Variants in KCNQ5 observed in about 807,000 individuals in gnomAD.
KCNQ5 encodes the protein potassium voltage-gated channel subfamily Q member 5.
Under a neutral mutation model 98.2 loss-of-function variants are expected in KCNQ5, and 30 were observed. The observed-to-expected ratio is 0.31, with a 90% confidence interval of 0.23 to 0.41. The LOEUF is 0.41. KCNQ5 is among the 10% of genes least tolerant of loss of function. The probability of loss-of-function intolerance (pLI) is 1.00; values close to 1 mark genes in which losing one functional copy is unlikely to be tolerated. For missense variants in KCNQ5, 835 were observed against 1,182.5 expected (o/e 0.71, Z 4.31); for synonymous variants, 458 against 449.4 (o/e 1.02, Z -0.24).
At chr6:72,674,280 T>A (rs1767292109) in intron 1 of KCNQ5, among the ~76,000 whole-genome samples, 1 of 152,052 alleles carries the variant, frequency 6.6e-6, no homozygotes, top group African/African-American at 2.4e-5. Context: ...AGAGTTAAAT[T>A]TCTTAACTAG....
chr6:72,868,204 T>C (rs960732028), intron 1 of KCNQ5, among the ~76,000 whole-genome samples: 11 of 152,162 alleles, frequency 7.2e-5, no homozygotes, highest in Admixed American at 1.3e-4. Context: ...GGCTGTGGTA[T>C]GCAGAGTTTC....
chr6:73,105,635 A>G (rs1774967467), intron 6 of KCNQ5, among the ~76,000 whole-genome samples: 1 of 152,228 alleles, frequency 6.6e-6, no homozygotes, highest in African/African-American at 2.4e-5. Flanking sequence ...TTTTTAGGCA[A>G]CATGCTACTA....
At chr6:72,880,912 G>A (rs1334447606) in intron 1 of KCNQ5, among the ~76,000 whole-genome samples, 2 of 152,124 alleles carry the variant, frequency 1.3e-5, no homozygotes. Flanking sequence ...AGGATTGATA[G>A]CCCTTAAGGC....
intron 7 of KCNQ5, among the ~76,000 whole-genome samples, chr6:73,112,436 C>T (rs560974782): frequency 2.0e-5 from 3 of 151,764 alleles, no homozygotes. Context: ...AGCTCCGCCT[C>T]CTGGGTTCAC....
intron 1 of KCNQ5, among the ~76,000 whole-genome samples, chr6:72,780,645 G>C (rs542464331): frequency 1.3e-5 from 2 of 152,100 alleles, no homozygotes; most frequent in East Asian, 3.9e-4. Flanking sequence ...TGGAAGACTT[G>C]GGGGGAGATA....
At chr6:72,636,594 T>C (rs1743863741) in intron 1 of KCNQ5, among the ~76,000 whole-genome samples, 2 of 152,202 alleles carry the variant, frequency 1.3e-5, no homozygotes, top group Non-Finnish European at 2.9e-5. Flanking sequence ...TAGATTCTTC[T>C]CCCCGTGTTT....
chr6:72,897,871 C>A (rs1304896799), intron 1 of KCNQ5, among the ~76,000 whole-genome samples: 2 of 152,028 alleles, frequency 1.3e-5, no homozygotes, highest in Non-Finnish European at 2.9e-5. Flanking sequence ...ATATTTTTGT[C>A]TTATAATTGA....
At chr6:72,935,557 G>C (rs1765879916) in intron 1 of KCNQ5, among the ~76,000 whole-genome samples, 1 of 152,096 alleles carries the variant, frequency 6.6e-6, no homozygotes, top group African/African-American at 2.4e-5. Context: ...ATGATTAGTT[G>C]TTTCTTTTAT....
chr6:73,157,457 G>A (rs537169929), intron 10 of KCNQ5: 9 of 679,338 alleles, frequency 1.3e-5, no homozygotes, highest in Middle Eastern at 3.9e-4. Context: ...AGCTCAGGGC[G>A]CCTGTCCCGG....
At chr6:72,739,265 T>C (rs1237007928) in intron 1 of KCNQ5, among the ~76,000 whole-genome samples, 1 of 152,108 alleles carries the variant, frequency 6.6e-6, no homozygotes, top group Non-Finnish European at 1.5e-5. Flanking sequence ...AATATGAGAA[T>C]TGCAAAAAGG....
rs58607159 is a variant in KCNQ5, at chr6:73,025,623, C to CAAAAAAAAAA, written c.490-16286_490-16277dup. On this transcript the variant is annotated intron_variant, in intron 2 of 13. Coordinates refer to ENST00000370398, the MANE Select transcript of KCNQ5 (RefSeq NM_019842.4). ...GGGCGACAAGAGCAAAACTCCATCT[C>CAAAAAAAAAA]AAAAAAAAAAAAAAAAAAAAAAAAA... Among the ~76,000 whole-genome samples, 54 of 52,996 alleles carry CAAAAAAAAAA rather than the reference C, an allele frequency of 1.0e-3. 2 individuals carry two copies. In the East Asian group the frequency reaches 0.012, roughly 12 times the overall value. The allele number at this position is 52,996 out of a possible 152,430, so 34.8% of individuals were successfully genotyped here.
intron 3 of KCNQ5, among the ~76,000 whole-genome samples, chr6:73,069,103 A>G (rs2150383360): frequency 6.6e-6 from 1 of 152,334 alleles, no homozygotes; most frequent in African/African-American, 2.4e-5. Context: ...TAGAAATTGT[A>G]AAGAACTTTT....
At chr6:72,909,360 A>G (rs1473521555) in intron 1 of KCNQ5, among the ~76,000 whole-genome samples, 1 of 152,248 alleles carries the variant, frequency 6.6e-6, no homozygotes, top group African/African-American at 2.4e-5. Flanking sequence ...CAAGAATTAA[A>G]GAGAAAATTT....
chr6:72,995,627 G>A (rs1048271876), intron 1 of KCNQ5, among the ~76,000 whole-genome samples: 6 of 152,126 alleles, frequency 3.9e-5, no homozygotes, highest in African/African-American at 1.4e-4. Flanking sequence ...CCTGATAGGG[G>A]TGCTCCAAAG....
intron 1 of KCNQ5, among the ~76,000 whole-genome samples, chr6:72,745,712 C>G (rs1425872702): frequency 2.0e-5 from 3 of 152,154 alleles, no homozygotes; most frequent in Non-Finnish European, 4.4e-5. Context: ...CAAATTACCA[C>G]AAGCTGAGTG....
chr6:72,830,533 G>A (rs1375332847), intron 1 of KCNQ5, among the ~76,000 whole-genome samples: 2 of 152,204 alleles, frequency 1.3e-5, no homozygotes, highest in Non-Finnish European at 2.9e-5. Flanking sequence ...CTAGCCATAT[G>A]TAGAAAGCTG....
intron 10 of KCNQ5, among the ~76,000 whole-genome samples, chr6:73,146,058 A>G (rs1776910578): frequency 6.6e-6 from 1 of 152,046 alleles, no homozygotes; most frequent in South Asian, 2.1e-4. Context: ...TCAACATGAG[A>G]TTTGGGTGGG....
At chr6:73,035,839 T>C (rs142043947) in intron 2 of KCNQ5, among the ~76,000 whole-genome samples, 75 of 152,296 alleles carry the variant, frequency 4.9e-4, no homozygotes, top group African/African-American at 1.8e-3. Flanking sequence ...TTGTAAGATA[T>C]AGTAGACATA....
chr6:72,813,477 C>G (rs1274403752), intron 1 of KCNQ5, among the ~76,000 whole-genome samples: 3 of 152,168 alleles, frequency 2.0e-5, no homozygotes, highest in African/African-American at 7.2e-5. Context: ...GGAATAGAAA[C>G]TTAACTGTTT....
Sources: gnomAD v4.1 joint callset for allele counts (sites outside exome capture counted in the v4.1 genomes callset) on GRCh38, gnomAD v4.1.1 for gene constraint, MANE v1.5 for transcripts, NCBI Gene and HGNC (gene_info 2026-07-23, HGNC 2026-07-21) for gene names.